The following ARHGAP20 variants were observed in gnomAD, a reference collection of about 807,000 sequenced individuals.
ARHGAP20 encodes Rho GTPase activating protein 20.
ARHGAP20 carries 34 observed loss-of-function variants against 73.7 expected under a neutral mutation model. The observed-to-expected ratio is 0.46, with a 90% CI of 0.35 to 0.61. ARHGAP20 has a LOEUF of 0.61. ARHGAP20 is among the 20% of genes least tolerant of loss of function. ARHGAP20 has a pLI of 0.00. For synonymous variants in ARHGAP20, 523 were observed against 518.2 expected, an observed-to-expected ratio of 1.01 and a Z score of -0.13; for missense variants, 1,314 against 1,420.9, an observed-to-expected ratio of 0.92 and a Z score of 1.21.
chr11:110,585,622 C>T lies in ARHGAP20; in HGVS notation c.1415+594G>A, dbSNP rs936568975. Among the ~76,000 whole-genome samples, 17 of 152,188 alleles carry T rather than the reference C, an allele frequency of 1.1e-4. 1 individual carries two copies. In the South Asian group the frequency reaches 1.2e-3, roughly 11 times the overall value. Reference sequence around the variant, plus strand: ...ACTCTCTTATAATGCAGGAAAAGTCCAGGAATGGGGTAGTGAGTTCTACCA... The same window carrying T: ...ACTCTCTTATAATGCAGGAAAAGTCTAGGAATGGGGTAGTGAGTTCTACCA... On this transcript the variant is annotated intron_variant, in intron 12 of 14. Transcript: ENST00000683387.
intron 4 of ARHGAP20, among the ~76,000 whole-genome samples, chr11:110,622,327 C>T (rs1948646720): frequency 6.6e-6 from 1 of 152,210 alleles, no homozygotes; most frequent in Non-Finnish European, 1.5e-5. Flanking sequence ...AATTCCTCAA[C>T]ACTTCACTTT....
intron 9 of ARHGAP20, among the ~76,000 whole-genome samples, chr11:110,599,894 C>G (rs1199843547): frequency 6.6e-6 from 1 of 152,128 alleles, no homozygotes; most frequent in Non-Finnish European, 1.5e-5. Context: ...CAACCAACTA[C>G]AGGGAGGAGC....
intron 2 of ARHGAP20, among the ~76,000 whole-genome samples, chr11:110,669,358 A>T (rs1949784553): frequency 6.6e-6 from 1 of 152,178 alleles, no homozygotes; most frequent in South Asian, 2.1e-4. Flanking sequence ...TTGGGAACTG[A>T]ATTTATATAT....
At chr11:110,661,762 GT>G (rs767580348) in intron 2 of ARHGAP20, among the ~76,000 whole-genome samples, 2 of 152,084 alleles carry the variant, frequency 1.3e-5, no homozygotes, top group Non-Finnish European at 2.9e-5. Context: ...TAGTGAGGCT[GT>G]GGTAAAAACA....
chr11:110,617,171 T>G (rs1254063803), intron 4 of ARHGAP20, among the ~76,000 whole-genome samples: 2 of 152,198 alleles, frequency 1.3e-5, no homozygotes, highest in Non-Finnish European at 2.9e-5. Context: ...TACTATTTTG[T>G]GTCTGGCTTC....
intron 9 of ARHGAP20, among the ~76,000 whole-genome samples, chr11:110,602,178 T>A (rs528415892): frequency 2.0e-5 from 3 of 152,126 alleles, no homozygotes; most frequent in Non-Finnish European, 4.4e-5. Context: ...CCCTGTTACA[T>A]CTTGACTGTT....
intron 2 of ARHGAP20, among the ~76,000 whole-genome samples, chr11:110,678,807 C>G (rs1827914): frequency 0.3 from 45,968 of 151,886 alleles, 7,734 homozygotes; most frequent in African/African-American, 0.47. Flanking sequence ...ACTACAAGGT[C>G]CACACCACCA....
At chr11:110,639,246 C>T (rs112422197) in intron 2 of ARHGAP20, among the ~76,000 whole-genome samples, 87 of 150,612 alleles carry the variant, frequency 5.8e-4, no homozygotes, top group Non-Finnish European at 7.8e-4. Context: ...ATACCCCCCC[C>T]CCACAAGAGT....
At chr11:110,582,962 G>A (rs2134785681) in intron 13 of ARHGAP20, among the ~76,000 whole-genome samples, 1 of 152,308 alleles carries the variant, frequency 6.6e-6, no homozygotes, top group South Asian at 2.1e-4. Flanking sequence ...GCAGGGAAAG[G>A]TAAGAGTTTA....
chr11:110,687,077 CATAT>C (rs1282800863), intron 2 of ARHGAP20, among the ~76,000 whole-genome samples: 1 of 104,760 alleles, frequency 9.5e-6, no homozygotes, highest in African/African-American at 4.1e-5. Context: ...CACACACACA[CATAT>C]ATATAGACAC....
intron 9 of ARHGAP20, among the ~76,000 whole-genome samples, chr11:110,599,017 C>A (rs535819599): frequency 4.0e-5 from 6 of 151,022 alleles, no homozygotes; most frequent in Admixed American, 1.3e-4. Flanking sequence ...GGCTATAGAC[C>A]AGACCTCCCT....
In ARHGAP20 at chr11:110,577,640, A is replaced by C; in HGVS notation, c.*1730T>G. ...ATGCATATGGACACTTAGAAGTCTT[A>C]ATATGTAGGACTGGTTAGTTATAAA... On this transcript the variant is annotated 3_prime_UTR_variant, in exon 15 of 15. Coordinates refer to ENST00000683387, the MANE Select transcript of ARHGAP20 (RefSeq NM_001384657.1). The C allele has an allele frequency of 1.0e-6, 1 of 986,024 alleles. No individual in the cohort carries two copies. Among genetic ancestry groups the C allele is most frequent in the South Asian group, 4.7e-5 (1 of 21,292 alleles). The allele number at this position is 986,024 out of a possible 1,614,324, so 61.1% of individuals were successfully genotyped here. A position where few individuals can be genotyped will look rare whatever the true frequency, so the allele number is the denominator to read the frequency against.
chr11:110,597,128 C>T (rs1279527323), intron 9 of ARHGAP20, among the ~76,000 whole-genome samples: 11 of 97,954 alleles, frequency 1.1e-4, no homozygotes, highest in African/African-American at 4.3e-4. Context: ...CGTCACACAC[C>T]GGGGACCGTT....
At chr11:110,614,164 A>G (rs1475379359) in intron 6 of ARHGAP20, among the ~76,000 whole-genome samples, 2 of 151,276 alleles carry the variant, frequency 1.3e-5, no homozygotes, top group African/African-American at 4.9e-5. Context: ...ACAAGTTGGG[A>G]AAAAAATTGC....
At chr11:110,650,187 G>A (rs1949318476) in intron 2 of ARHGAP20, among the ~76,000 whole-genome samples, 1 of 152,068 alleles carries the variant, frequency 6.6e-6, no homozygotes. Flanking sequence ...CCAGCTGGAT[G>A]GTAAGCTCCT....
intron 2 of ARHGAP20, among the ~76,000 whole-genome samples, chr11:110,686,544 A>G (rs1371502178): frequency 1.3e-5 from 2 of 152,092 alleles, no homozygotes; most frequent in African/African-American, 2.4e-5. Context: ...ACTTCCTTAA[A>G]ACTCTTATCT....
At chr11:110,588,770 A>C (rs770355952) in intron 11 of ARHGAP20, among the ~76,000 whole-genome samples, 18 of 152,216 alleles carry the variant, frequency 1.2e-4, no homozygotes, top group Non-Finnish European at 2.4e-4. Context: ...CATAGTAAGA[A>C]ATTTTTTTTT....
At chr11:110,595,893 A>C (rs1237714289) in intron 9 of ARHGAP20, among the ~76,000 whole-genome samples, 1 of 152,118 alleles carries the variant, frequency 6.6e-6, no homozygotes, top group Non-Finnish European at 1.5e-5. Flanking sequence ...ACTTCAAACT[A>C]TACTACAAGG....
At chr11:110,595,554 G>A (rs927627494) in intron 9 of ARHGAP20, among the ~76,000 whole-genome samples, 3 of 152,166 alleles carry the variant, frequency 2.0e-5, no homozygotes, top group South Asian at 2.1e-4. Context: ...TTGCTTCAAA[G>A]AGAATAAAAT....
Sources: gnomAD v4.1 joint callset for allele counts (sites outside exome capture counted in the v4.1 genomes callset) on GRCh38, gnomAD v4.1.1 for gene constraint, MANE v1.5 for transcripts, NCBI Gene and HGNC (gene_info 2026-07-23, HGNC 2026-07-21) for gene names.